The following NSMCE4A variants were observed in gnomAD, a reference collection of about 807,000 sequenced individuals.
NSMCE4A encodes the protein non-structural maintenance of chromosomes element 4 homolog A.
A neutral mutation model predicts 47.9 loss-of-function variants in NSMCE4A; 40 were observed. The observed-to-expected ratio is 0.83, with a 90% CI of 0.65 to 1.09. NSMCE4A has a LOEUF of 1.09. Among genes scored for constraint, NSMCE4A ranks in the 50% least tolerant of loss-of-function variants. The pLI is 0.00. For missense variants in NSMCE4A, 500 were observed against 507.0 expected, an observed-to-expected ratio of 0.99 and a Z score of 0.13; for synonymous variants, 166 against 178.5, an observed-to-expected ratio of 0.93 and a Z score of 0.56.
chr10:121,975,079 G>C lies in NSMCE4A; in HGVS notation c.87C>G (p.Arg29=). ...PHRDRTRSRS[R]SRSPLSPRSR... is the part of the protein sequence containing the mutation. ...ACCTGGGCGACAAAGGGGACCGCGAGCGGGAGCGGGAGCGGGTGCGATCCC... is the reference window on the plus strand; with the variant it reads ...ACCTGGGCGACAAAGGGGACCGCGACCGGGAGCGGGAGCGGGTGCGATCCC... The change falls in exon 1 of 11, where the codon CGC becomes CGG. Residue 29 remains arginine (R), a synonymous_variant. Transcript: ENST00000369023. 2 of 1,440,248 alleles carry C rather than the reference G, an allele frequency of 1.4e-6. No homozygotes were observed. The highest frequency in any genetic ancestry group is 1.8e-6 in the Non-Finnish European group (2 of 1,107,212). 89.2% of individuals were successfully genotyped at this position (1,440,248 alleles called of 1,614,324 possible).
rs188103716 is a variant in NSMCE4A, at chr10:121,967,552, A to G, written c.653+103T>C. The G allele has an allele frequency of 5.5e-4, 691 of 1,255,928 alleles. No individual in the cohort carries two copies. The African/African-American group carries it at 6.4e-3, about 12-fold the overall frequency. 77.8% of individuals were successfully genotyped at this position (1,255,928 alleles called of 1,614,324 possible). On this transcript the variant is annotated intron_variant, in intron 4 of 10. Transcript: ENST00000369023. ...TCAAAAGTCTCCAAACAACGGCATC[A>G]TGACTGTCACCTCTACAATACCAAA...
chr10:121,974,962 C>T lies in NSMCE4A; in HGVS notation c.204G>A (p.Met68Ile). 6.5e-7 allele frequency: 1 copy of T among 1,530,210 alleles called. No individual in the cohort carries two copies. The highest frequency in any genetic ancestry group is 1.2e-5 in the South Asian group (1 of 81,850). 94.8% of individuals were successfully genotyped at this position (1,530,210 alleles called of 1,614,324 possible). A position where few individuals can be genotyped will look rare whatever the true frequency, so the allele number is the denominator to read the frequency against. ...CCTCCGCCTCCAAGCTGGCCGGGTC[C>T]ATCATCTCGTCCCCGGAATCCGACG... ...TEPSDSGDEM[M>I]DPASLEAEAD... The change falls in exon 1 of 11, where the codon ATG becomes ATA. Residue 68 changes from methionine (M) to isoleucine (I), a missense_variant. Met to Ile is a conservative substitution (Grantham distance 10). Coordinates refer to ENST00000369023, the MANE Select transcript of NSMCE4A (RefSeq NM_017615.3).
At chr10:121,972,564 T>G (rs1367681347) in intron 2 of NSMCE4A, among the ~76,000 whole-genome samples, 3 of 152,148 alleles carry the variant, frequency 2.0e-5, no homozygotes, top group Non-Finnish European at 4.4e-5. Flanking sequence ...AATTTTGCTC[T>G]AAAATATTGC....
chr10:121,958,184 T>C (rs1054463379), intron 10 of NSMCE4A, among the ~76,000 whole-genome samples: 1 of 152,042 alleles, frequency 6.6e-6, no homozygotes, highest in African/African-American at 2.4e-5. Flanking sequence ...ACTGAGATCG[T>C]GCCACTGCAC....
chr10:121,970,871 G>C (rs200265586), intron 3 of NSMCE4A, 68 bp downstream of exon 3: 99 of 1,352,020 alleles, frequency 7.3e-5, no homozygotes, highest in Non-Finnish European at 9.3e-5. Context: ...ATATGGATAT[G>C]AGCACAGTAA....
At chr10:121,965,429 TGTTA>T (rs758957024) in intron 4 of NSMCE4A, 44 bp from the exon 5 acceptor site, 1 of 1,499,142 alleles carries the variant, frequency 6.7e-7, no homozygotes, top group Non-Finnish European at 9.2e-7. Flanking sequence ...GCCTGTTGTT[TGTTA>T]AACAAACTAA....
chr10:121,966,412 G>C (rs1952607894), intron 4 of NSMCE4A: 1 of 152,204 alleles, frequency 6.6e-6, no homozygotes. Flanking sequence ...ATGAGATAAA[G>C]TTTAAGGCTT....
Position 121,967,758 on chromosome 10 carries a change from C to T in NSMCE4A, c.550G>A (p.Asp184Asn). 1.2e-6 allele frequency: 2 copies of T among 1,614,096 alleles called. No homozygotes were observed. The highest frequency in any genetic ancestry group is 1.7e-6 in the Non-Finnish European group (2 of 1,180,016). Residue 184 changes from aspartate to asparagine, a missense_variant, in exon 4 of 11, where the codon GAT (aspartate) becomes AAT (asparagine). Coordinates refer to ENST00000369023, the MANE Select transcript of NSMCE4A (RefSeq NM_017615.3). ...AATTCAAAATCAGGACTATCTTCATCACGGATGAGTTCTTCAGCTTCTAGC... is the reference window on the plus strand; with the variant it reads ...AATTCAAAATCAGGACTATCTTCATTACGGATGAGTTCTTCAGCTTCTAGC... ...NPLEAEELIR[D>N]EDSPDFEFIV...
intron 1 of NSMCE4A, 197 bp downstream of exon 1, chr10:121,974,677 G>A: frequency 9.1e-7 from 1 of 1,102,502 alleles, no homozygotes; most frequent in Non-Finnish European, 1.1e-6. Context: ...CGCCAAGGTC[G>A]TACGGCTCCA....
rs1186448006 is a variant in NSMCE4A, at chr10:121,960,762, G to A, written c.940-356C>T. 6.6e-6 allele frequency among the ~76,000 whole-genome samples: 1 copy of A among 152,126 alleles called. No individual in the cohort carries two copies. The highest frequency in any genetic ancestry group is 1.5e-5 in the Non-Finnish European group (1 of 68,014). ...AAAATATGCCTTTGTTATTATTTCT[G>A]AGAAAATACGTTGGTAGACATAGGT... is the stretch of plus-strand genomic sequence containing the variant. On this transcript the variant is annotated intron_variant, in intron 7 of 10. Transcript: ENST00000369023. The surrounding 1 kb of genome is among the most constrained non-coding windows in gnomAD (Gnocchi z 4.2).
chr10:121,967,609 A>C, intron 4 of NSMCE4A, 46 bp downstream of exon 4: 1 of 1,573,336 alleles, frequency 6.4e-7, no homozygotes, highest in Non-Finnish European at 8.6e-7. Flanking sequence ...AAAGCAATTT[A>C]AGGTTCACAA....
At chr10:121,967,425 T>C in intron 4 of NSMCE4A, 1 of 474,632 alleles carries the variant, frequency 2.1e-6, no homozygotes. Context: ...CTTGAATTCC[T>C]GAGCTCAGAT....
At chr10:121,959,246 G>T in intron 10 of NSMCE4A, 78 bp downstream of exon 10, 12 of 1,296,060 alleles carry the variant, frequency 9.3e-6, no homozygotes, top group Non-Finnish European at 1.3e-5. Context: ...AAATTTCACT[G>T]GAATGGGGAA....
intron 5 of NSMCE4A, among the ~76,000 whole-genome samples, chr10:121,964,279 A>C (rs1363347508): frequency 1.4e-5 from 2 of 146,782 alleles, no homozygotes; most frequent in Non-Finnish European, 3.0e-5. Flanking sequence ...AGTAGCTGGG[A>C]TTAGAGGCAC....
intron 8 of NSMCE4A, chr10:121,959,860 A>G (rs1038825793): frequency 4.0e-6 from 2 of 496,482 alleles, no homozygotes; most frequent in East Asian, 3.8e-5. Flanking sequence ...TGTGTCAACC[A>G]CAGAGCTAAG....
chr10:121,962,885 C>T (rs1203264520), intron 6 of NSMCE4A, among the ~76,000 whole-genome samples: 4 of 152,074 alleles, frequency 2.6e-5, no homozygotes, highest in Non-Finnish European at 5.9e-5. Context: ...TGAGCCACCA[C>T]GCCCGGCCAA....
chr10:121,964,974 G>A (rs1033590470), intron 5 of NSMCE4A, among the ~76,000 whole-genome samples: 1 of 152,108 alleles, frequency 6.6e-6, no homozygotes, highest in Non-Finnish European at 1.5e-5. Context: ...GGTAGAGGCT[G>A]GGGATGCCGC....
At chr10:121,959,957 G>A (rs892760078) in intron 8 of NSMCE4A, 4 of 313,230 alleles carry the variant, frequency 1.3e-5, no homozygotes, top group Middle Eastern at 9.8e-4. Flanking sequence ...GAGACCTTAG[G>A]AGGACATGAG....
chr10:121,967,852 A>G lies in NSMCE4A; in HGVS notation c.502-46T>C, dbSNP rs201679546. 174 of 1,575,804 alleles carry G rather than the reference A, an allele frequency of 1.1e-4. No individual in the cohort carries two copies. The African/African-American group carries it at 2.2e-3, about 20-fold the overall frequency. ...AAAAAACCCAGTTAAGCCACATGCA[A>G]TCATTTTCCACATCCAATAATCCGC... is the stretch of plus-strand genomic sequence containing the variant. On this transcript the variant is annotated intron_variant, in intron 3 of 10. Coordinates refer to ENST00000369023, the MANE Select transcript of NSMCE4A (RefSeq NM_017615.3).
Sources: gnomAD v4.1 joint callset for allele counts (sites outside exome capture counted in the v4.1 genomes callset) on GRCh38, gnomAD v4.1.1 for gene constraint, Gnocchi (gnomAD v3.1) non-coding constraint, MANE v1.5 for transcripts, NCBI Gene and HGNC (gene_info 2026-07-23, HGNC 2026-07-21) for gene names.